The following CCDC7 variants were observed in gnomAD, a reference collection of about 807,000 sequenced individuals.
CCDC7 encodes the protein coiled-coil domain containing 7.
A neutral mutation model predicts 196.9 loss-of-function variants in CCDC7; 183 were observed. The ratio of observed to expected loss-of-function variants is 0.93; its 90% CI spans 0.82 to 1.05. The LOEUF is 1.05. Ranked by LOEUF, CCDC7 falls within the 50% of genes least tolerant of loss-of-function variation. The pLI, the probability that CCDC7 is intolerant of heterozygous loss-of-function variation, is 0.00. For synonymous variants in CCDC7, 525 were observed against 484.6 expected (o/e 1.08, Z -1.10); for missense variants, 1,540 against 1,482.2 (o/e 1.04, Z -0.64).
At chr10:32,624,377 C>G (rs1307567344) in intron 18 of CCDC7, among the ~76,000 whole-genome samples, 1 of 152,136 alleles carries the variant, frequency 6.6e-6, no homozygotes, top group African/African-American at 2.4e-5. Flanking sequence ...CATTGTCTGC[C>G]TTCCAAGTTG....
intron 31 of CCDC7, among the ~76,000 whole-genome samples, chr10:32,821,435 C>T (rs971808895): frequency 5.3e-5 from 8 of 152,182 alleles, no homozygotes; most frequent in Admixed American, 3.9e-4. Context: ...CTAGAAGTAC[C>T]ATTTGACCCA....
At chr10:32,688,540 C>T (rs2076722720) in intron 22 of CCDC7, among the ~76,000 whole-genome samples, 1 of 151,164 alleles carries the variant, frequency 6.6e-6, no homozygotes. Context: ...GGTTTTTTTC[C>T]ACTAAACATT....
At chr10:32,713,183 A>G (rs2081087561) in intron 25 of CCDC7, among the ~76,000 whole-genome samples, 1 of 152,244 alleles carries the variant, frequency 6.6e-6, no homozygotes, top group Non-Finnish European at 1.5e-5. Context: ...ATAGTGGCCC[A>G]AAGGGATCTA....
chr10:32,784,128 A>G (rs1455658785), intron 29 of CCDC7, among the ~76,000 whole-genome samples: 1 of 152,218 alleles, frequency 6.6e-6, no homozygotes, highest in Non-Finnish European at 1.5e-5. Flanking sequence ...AAATGGTTAA[A>G]ATAATAAATT....
chr10:32,613,553 G>A (rs529923075), intron 18 of CCDC7, among the ~76,000 whole-genome samples: 59 of 152,242 alleles, frequency 3.9e-4, no homozygotes, highest in Admixed American at 3.7e-3. Flanking sequence ...GGCATTTAGT[G>A]CTATAAATTG....
intron 40 of CCDC7, among the ~76,000 whole-genome samples, chr10:32,853,879 T>C (rs2093655337): frequency 6.6e-6 from 1 of 152,206 alleles, no homozygotes; most frequent in Non-Finnish European, 1.5e-5. Context: ...TCATTTGTTT[T>C]CATATTTTTT....
chr10:32,654,172 A>C (rs1202500302), intron 20 of CCDC7, among the ~76,000 whole-genome samples: 1 of 152,130 alleles, frequency 6.6e-6, no homozygotes, highest in Admixed American at 6.5e-5. Flanking sequence ...ACTTCGGGAA[A>C]TTTATATCAT....
intron 13 of CCDC7, among the ~76,000 whole-genome samples, chr10:32,554,412 C>CT (rs1022476802): frequency 6.6e-5 from 10 of 152,248 alleles, no homozygotes; most frequent in Non-Finnish European, 1.0e-4. Context: ...CCCTGGTCCT[C>CT]TGTCTGTCCT....
chr10:32,764,656 A>G (rs1393564140), intron 28 of CCDC7, among the ~76,000 whole-genome samples: 1 of 151,992 alleles, frequency 6.6e-6, no homozygotes, highest in Non-Finnish European at 1.5e-5. Flanking sequence ...ATCATTTAAG[A>G]TCTGCTCACC....
At chr10:32,877,038 A>G (rs567135340), downstream of CCDC7, 1 of 152,222 alleles carries the variant, frequency 6.6e-6, no homozygotes, top group South Asian at 2.1e-4. Flanking sequence ...CAGAGGAATG[A>G]GCAGTAATAT....
chr10:32,638,248 C>T (rs916767213), intron 20 of CCDC7, among the ~76,000 whole-genome samples: 3 of 152,172 alleles, frequency 2.0e-5, no homozygotes, highest in Admixed American at 6.5e-5. Context: ...ATTGCCCTGG[C>T]CAGAACTTCC....
At chr10:32,667,882 G>T (rs910664028) in intron 21 of CCDC7, among the ~76,000 whole-genome samples, 40 of 152,236 alleles carry the variant, frequency 2.6e-4, no homozygotes, top group Non-Finnish European at 3.8e-4. Flanking sequence ...GAACTTTAAA[G>T]TAGTTTTTTC....
intron 18 of CCDC7, among the ~76,000 whole-genome samples, chr10:32,613,917 T>C (rs2062469028): frequency 1.3e-5 from 2 of 152,118 alleles, no homozygotes; most frequent in African/African-American, 4.8e-5. Flanking sequence ...GGTCTGCTTC[T>C]GTAGATGTTT....
At chr10:32,619,327 A>G (rs1027934493) in intron 18 of CCDC7, among the ~76,000 whole-genome samples, 2 of 152,136 alleles carry the variant, frequency 1.3e-5, no homozygotes, top group South Asian at 2.1e-4. Context: ...ACAGAATTCA[A>G]CAAAATGGTA....
In CCDC7 at chr10:32,774,718, G is replaced by C. The variant is rs1006068005; in HGVS notation, c.2906-4259G>C. 3.3e-5 allele frequency among the ~76,000 whole-genome samples: 5 copies of C among 151,952 alleles called. No individual in the cohort carries two copies. In the East Asian group the frequency reaches 9.7e-4, roughly 29 times the overall value. ...GCTTACACCACTCTGTGATTTTCCT[G>C]GTTATTTATCTTTTAGGTTTATTTG... On this transcript the variant is annotated intron_variant, in intron 28 of 41. Coordinates refer to ENST00000639629, the Ensembl canonical transcript of CCDC7.
chr10:32,528,650 G>GTATA (rs35667060), intron 11 of CCDC7, among the ~76,000 whole-genome samples: 164 of 133,322 alleles, frequency 1.2e-3, no homozygotes, highest in Non-Finnish European at 2.1e-3. Context: ...GTGTGTGTGT[G>GTATA]TATATATATA....
In CCDC7 at chr10:32,863,699, T is replaced by C. The variant is rs887728317; in HGVS notation, c.4111+9210T>C. ...GTGCTGGGAAAACTGGATTTCTATATGCAAAAAATATAATTGAACTTTTAT... is the reference window on the plus strand; with the variant it reads ...GTGCTGGGAAAACTGGATTTCTATACGCAAAAAATATAATTGAACTTTTAT... On this transcript the variant is annotated intron_variant, in intron 41 of 41. Transcript: ENST00000639629. Among the ~76,000 whole-genome samples the C allele has an allele frequency of 2.6e-5, 4 of 151,914 alleles. No individual in the cohort carries two copies. In the East Asian group the frequency reaches 7.8e-4, roughly 30 times the overall value.
chr10:32,842,585 A>C (rs1246587011), intron 33 of CCDC7, among the ~76,000 whole-genome samples: 3 of 152,108 alleles, frequency 2.0e-5, no homozygotes, highest in Non-Finnish European at 2.9e-5. Flanking sequence ...CAGCAATCCC[A>C]CTTCTAGGTA....
chr10:32,776,463 T>C (rs1313760043), intron 28 of CCDC7, among the ~76,000 whole-genome samples: 1 of 152,094 alleles, frequency 6.6e-6, no homozygotes, highest in African/African-American at 2.4e-5. Flanking sequence ...TATAACATAC[T>C]CAGTCTCAGT....
Sources: allele counts gnomAD v4.1 joint callset (sites outside exome capture counted in the v4.1 genomes callset), GRCh38; gene constraint gnomAD v4.1.1; transcripts MANE v1.5; gene names NCBI Gene and HGNC (gene_info 2026-07-23, HGNC 2026-07-21).